The following AVEN variants were observed in gnomAD, a reference collection of about 807,000 sequenced individuals.
AVEN encodes apoptosis and caspase activation inhibitor.
Under a neutral mutation model 38.1 loss-of-function variants are expected in AVEN, and 41 were observed. The ratio of observed to expected loss-of-function variants is 1.08; its 90% confidence interval spans 0.84 to 1.40. AVEN has a LOEUF of 1.40. Among genes scored for constraint, AVEN ranks in the 40% most tolerant of loss-of-function variants. The pLI is 0.00. For missense variants in AVEN, 605 were observed against 438.8 expected (o/e 1.38, Z -3.38); for synonymous variants, 206 against 171.8 (o/e 1.20, Z -1.56).
At chr15:33,852,282 G>GAA in the AVEN span, 1 of 152,178 alleles carries the variant, frequency 6.6e-6, no homozygotes, top group African/African-American at 2.4e-5. Context: ...TTCTGGATAG[G>GAA]AACAACATAT....
downstream of AVEN, chr15:33,856,112 G>T (rs558443010): frequency 2.0e-5 from 3 of 152,188 alleles, no homozygotes; most frequent in African/African-American, 7.2e-5. Context: ...GCAGCTAAAT[G>T]TCTCACCCAA....
intron 1 of AVEN, among the ~76,000 whole-genome samples, chr15:34,021,587 G>A (rs1199635719): frequency 6.6e-6 from 1 of 152,162 alleles, no homozygotes; most frequent in Non-Finnish European, 1.5e-5. Context: ...GTGTAAGGTG[G>A]CTCATGCCTG....
chr15:34,045,530 T>C (rs1396861971), intron 5 of AVEN, among the ~76,000 whole-genome samples: 1 of 152,210 alleles, frequency 6.6e-6, no homozygotes, highest in African/African-American at 2.4e-5. Context: ...TCTTGATTTG[T>C]CCTTGAAAAG....
chr15:34,009,679 A>G (rs1479724143), intron 1 of AVEN, among the ~76,000 whole-genome samples: 1 of 152,200 alleles, frequency 6.6e-6, no homozygotes, highest in African/African-American at 2.4e-5. Flanking sequence ...AATAATAAAA[A>G]GGTCAATCAA....
intron 2 of AVEN, among the ~76,000 whole-genome samples, chr15:33,989,413 G>A (rs1896620655): frequency 1.3e-5 from 2 of 150,948 alleles, no homozygotes; most frequent in African/African-American, 4.9e-5. Flanking sequence ...TTAAAGCAAG[G>A]AGGTATTATT....
intron 2 of AVEN, among the ~76,000 whole-genome samples, chr15:33,978,345 T>G (rs1413244154): frequency 6.6e-6 from 1 of 152,092 alleles, no homozygotes; most frequent in Non-Finnish European, 1.5e-5. Flanking sequence ...CATTTAATAA[T>G]TGGAAATAAA....
At chr15:33,930,521 C>T (rs970531351) in intron 2 of AVEN, among the ~76,000 whole-genome samples, 1 of 152,092 alleles carries the variant, frequency 6.6e-6, no homozygotes, top group Non-Finnish European at 1.5e-5. Flanking sequence ...AGACATGGAG[C>T]TAAATAATCT....
chr15:33,859,087 G>C (rs577226732), exon 12 of AVEN: 2 of 154,686 alleles, frequency 1.3e-5, no homozygotes, highest in Admixed American at 6.4e-5. Context: ...GCCTAGATTG[G>C]CTCAAACCTG....
rs538985810 is a variant in AVEN at position 33,961,675 on chromosome 15, T to C, written c.445+41357A>G. Among the ~76,000 whole-genome samples the C allele has an allele frequency of 7.5e-4, 114 of 151,384 alleles. 1 individual carries two copies. Among genetic ancestry groups the C allele is most frequent in the Admixed American group, 2.8e-3 (43 of 15,212 alleles). On this transcript the variant is annotated intron_variant, in intron 2 of 5. Coordinates refer to ENST00000306730, the MANE Select transcript of AVEN (RefSeq NM_020371.3). ...AAAAACACAAAAAATTAGCCGGGCGTGGTGGCGGGCACCTGTAGTCCCAGC... is the reference window on the plus strand; with the variant it reads ...AAAAACACAAAAAATTAGCCGGGCGCGGTGGCGGGCACCTGTAGTCCCAGC...
chr15:33,963,997 A>T (rs1895296175), intron 2 of AVEN, among the ~76,000 whole-genome samples: 2 of 151,806 alleles, frequency 1.3e-5, no homozygotes, highest in South Asian at 2.1e-4. Context: ...AGTCATTAGG[A>T]TCTAAAAGGA....
chr15:34,011,342 G>A (rs1021075687), intron 1 of AVEN, among the ~76,000 whole-genome samples: 8 of 152,142 alleles, frequency 5.3e-5, no homozygotes, highest in South Asian at 2.1e-4. Context: ...GTTTCCATTT[G>A]TCTTTGTGTA....
At chr15:33,991,040 T>C (rs1896698778) in intron 2 of AVEN, 1 of 152,206 alleles carries the variant, frequency 6.6e-6, no homozygotes, top group African/African-American at 2.4e-5. Context: ...ACCAGATCCA[T>C]TCATATGAAA....
intron 2 of AVEN, among the ~76,000 whole-genome samples, chr15:33,886,791 C>T (rs1470533907): frequency 6.6e-6 from 1 of 152,156 alleles, no homozygotes; most frequent in Admixed American, 6.5e-5. Flanking sequence ...TTGACTAATA[C>T]ATTTGTCAAC....
intron 2 of AVEN, among the ~76,000 whole-genome samples, chr15:33,998,884 CCT>C (rs943453458): frequency 8.5e-5 from 13 of 152,174 alleles, no homozygotes; most frequent in African/African-American, 2.7e-4. Context: ...AATAACTCCC[CCT>C]GTCATCTCAT....
chr15:33,911,185 C>T (rs1179962167), intron 2 of AVEN, among the ~76,000 whole-genome samples: 2 of 152,188 alleles, frequency 1.3e-5, no homozygotes, highest in Non-Finnish European at 2.9e-5. Flanking sequence ...GTATCAAAAC[C>T]ACCGCTGCCA....
chr15:33,904,694 A>T (rs58172808), intron 2 of AVEN, among the ~76,000 whole-genome samples: 115 of 112,752 alleles, frequency 1.0e-3, no homozygotes, highest in East Asian at 2.8e-3. Context: ...AAAAAAAAAA[A>T]ATATATATAT....
At chr15:33,873,089 C>CTTTTCT (rs1263044266) in intron 3 of AVEN, among the ~76,000 whole-genome samples, 1 of 138,118 alleles carries the variant, frequency 7.2e-6, no homozygotes, top group African/African-American at 2.8e-5. Context: ...TCTACTTTTC[C>CTTTTCT]TTTTCTTTTT....
intron 3 of AVEN, among the ~76,000 whole-genome samples, chr15:33,873,805 CTAGT>C (rs1891106245): frequency 6.6e-6 from 1 of 152,102 alleles, no homozygotes; most frequent in Non-Finnish European, 1.5e-5. Context: ...CACCACTCAC[CTAGT>C]TACTCAAGCT....
chr15:34,071,121 A>T (rs1900615783), intron 1 of AVEN, among the ~76,000 whole-genome samples: 1 of 152,136 alleles, frequency 6.6e-6, no homozygotes, highest in Non-Finnish European at 1.5e-5. Context: ...TTCAGAGGGT[A>T]CTTTCCCAGT....
Sources: allele counts gnomAD v4.1 joint callset (sites outside exome capture counted in the v4.1 genomes callset), GRCh38; gene constraint gnomAD v4.1.1; transcripts MANE v1.5; gene names NCBI Gene and HGNC (gene_info 2026-07-23, HGNC 2026-07-21).